The following NANS variants were observed in gnomAD, a reference collection of about 807,000 sequenced individuals.
The protein encoded by NANS is N-acetylneuraminate-9-phosphate synthase.
A neutral mutation model predicts 33.3 loss-of-function variants in NANS; 29 were observed. That is an observed-to-expected ratio of 0.87 (90% CI 0.65 to 1.19). The LOEUF (loss-of-function observed/expected upper bound fraction) is 1.19. Among genes scored for constraint, NANS ranks in the 50% most tolerant of loss-of-function variants. NANS has a pLI of 0.00. For synonymous variants in NANS, 163 were observed against 177.2 expected (o/e 0.92, Z 0.64); for missense variants, 394 against 461.1 (o/e 0.85, Z 1.33).
intron 1 of NANS, 110 bp from the exon 2 acceptor site, chr9:98,060,672 A>C: frequency 9.8e-7 from 1 of 1,018,098 alleles, no homozygotes; most frequent in Non-Finnish European, 1.5e-6. Flanking sequence ...CTCTGTCTCT[A>C]AATAAATAAA....
chr9:98,082,858 G>T lies in NANS; in HGVS notation c.883G>T (p.Val295Leu). The T allele has an allele frequency of 6.2e-7, 1 of 1,614,156 alleles. No individual in the cohort carries two copies. Among genetic ancestry groups the T allele is most frequent in the Non-Finnish European group, 8.5e-7 (1 of 1,180,008 alleles). The change falls in exon 6 of 6, where the codon GTG becomes TTG. Residue 295 changes from valine (V) to leucine (L), a missense_variant. Coordinates refer to ENST00000210444, the MANE Select transcript of NANS (RefSeq NM_018946.4). ...ATTTTGTCCACAGCTGGGCAAGTCT[G>T]TGGTGGCCAAAGTGAAAATTCCGGA... ...MACNEKLGKSVVAKVKIPEGT... is the reference protein window; with the variant it reads ...MACNEKLGKSLVAKVKIPEGT...
intron 4 of NANS, among the ~76,000 whole-genome samples, chr9:98,079,663 C>T (rs562611498): frequency 3.3e-5 from 5 of 152,270 alleles, no homozygotes; most frequent in African/African-American, 7.2e-5. Context: ...ACAGAGATTC[C>T]GATAATTAAC....
At position 98,082,931 on chromosome 9, in the gene NANS, C is replaced by T; in HGVS notation, c.956C>T (p.Pro319Leu). 6.2e-7 allele frequency: 1 copy of T among 1,613,972 alleles called. No individual in the cohort carries two copies. Among genetic ancestry groups the T allele is most frequent in the Non-Finnish European group, 8.5e-7 (1 of 1,180,008 alleles). Reference sequence around the variant, plus strand: ...ATGCTCACCGTGAAGGTGGGTGAGCCCAAAGGCTATCCTCCTGAAGACATC... The same window carrying T: ...ATGCTCACCGTGAAGGTGGGTGAGCTCAAAGGCTATCCTCCTGAAGACATC... ...MDMLTVKVGE[P>L]KGYPPEDIFN... The change falls in exon 6 of 6, where the codon CCC becomes CTC. Residue 319 changes from proline to leucine, a missense_variant. By Grantham distance (98) the Pro-to-Leu change is moderately conservative (BLOSUM62 -3). Transcript: ENST00000210444.
intron 2 of NANS, among the ~76,000 whole-genome samples, chr9:98,073,534 C>T (rs1378281958): frequency 1.3e-5 from 2 of 151,074 alleles, no homozygotes; most frequent in African/African-American, 2.4e-5. Flanking sequence ...CTGCCCGCCA[C>T]GGCCTCCCAA....
chr9:98,057,018 C>A, intron 1 of NANS, 78 bp downstream of exon 1: 12 of 1,442,602 alleles, frequency 8.3e-6, no homozygotes, highest in South Asian at 7.1e-5. Context: ...CAGGGCCACA[C>A]GGCCTCCGCG....
chr9:98,064,124 G>A (rs1407294422), intron 2 of NANS, among the ~76,000 whole-genome samples: 1 of 152,184 alleles, frequency 6.6e-6, no homozygotes, highest in Non-Finnish European at 1.5e-5. Context: ...GAGGAAGGTG[G>A]AGAACCTAGG....
intron 2 of NANS, chr9:98,069,829 T>C (rs147579899): frequency 6.6e-6 from 1 of 152,298 alleles, no homozygotes; most frequent in Non-Finnish European, 1.5e-5. Flanking sequence ...ATGGTGACCG[T>C]GGCAGTGCTC....
At chr9:98,069,721 G>A (rs949959926) in intron 2 of NANS, 1 of 152,304 alleles carries the variant, frequency 6.6e-6, no homozygotes, top group African/African-American at 2.4e-5. Flanking sequence ...GTGGAGAACA[G>A]ATGAGTAGTT....
chr9:98,059,733 T>A (rs1828923371), intron 1 of NANS, among the ~76,000 whole-genome samples: 1 of 152,018 alleles, frequency 6.6e-6, no homozygotes, highest in South Asian at 2.1e-4. Context: ...GTTTTTTGTT[T>A]TTTTTTTTTT....
At chr9:98,075,525 C>G (rs918280661) in intron 2 of NANS, 1 of 149,920 alleles carries the variant, frequency 6.7e-6, no homozygotes, top group Non-Finnish European at 1.5e-5. Context: ...GTTGGTCCGT[C>G]GGTCCGTCGG....
chr9:98,062,568 G>A (rs1030584601), intron 2 of NANS, among the ~76,000 whole-genome samples: 2 of 152,098 alleles, frequency 1.3e-5, no homozygotes, highest in African/African-American at 4.8e-5. Flanking sequence ...ATTTCCTCCT[G>A]AAGTCTTTTT....
rs149077735 is a variant in NANS, at chr9:98,060,839, C to T, written c.190C>T (p.Arg64Trp). Residue 64 changes from arginine (R) to tryptophan (W), a missense_variant, in exon 2 of 6, where the codon CGG (arginine) becomes TGG (tryptophan). Coordinates refer to ENST00000210444, the MANE Select transcript of NANS (RefSeq NM_018946.4). ...GAGTGAGCTAGAATTCAAGTTTAAT[C>T]GGAAAGCCTTGGAGAGGCCATACAC... ...QKSELEFKFN[R>W]KALERPYTSK... 16 of 1,614,136 alleles carry T rather than the reference C, an allele frequency of 9.9e-6. No homozygotes were observed. In the East Asian group the frequency reaches 1.1e-4, roughly 11 times the overall value.
chr9:98,075,546 A>G (rs538300767), intron 2 of NANS: 1 of 152,238 alleles, frequency 6.6e-6, no homozygotes, highest in South Asian at 2.1e-4. Flanking sequence ...TCCTAGACCA[A>G]TCAGAGTTTG....
chr9:98,056,991 G>T lies in NANS; in HGVS notation c.132+51G>T, dbSNP rs780848926. The T allele has an allele frequency of 3.8e-5, 57 of 1,501,662 alleles. No individual in the cohort carries two copies. The South Asian group carries it at 7.4e-4, about 20-fold the overall frequency. 93.0% of individuals were successfully genotyped at this position (1,501,662 alleles called of 1,614,324 possible). A position where few individuals can be genotyped will look rare whatever the true frequency, so the allele number is the denominator to read the frequency against. On this transcript the variant is annotated intron_variant, in intron 1 of 5. Coordinates refer to ENST00000210444, the MANE Select transcript of NANS (RefSeq NM_018946.4). ...GGATTCGGGCGCCGGGAGGGGCGGG[G>T]CGGGGCCGCGGGGAGCCAGGGCCAC... is the stretch of plus-strand genomic sequence containing the variant.
At chr9:98,077,545 A>G (rs990073975) in intron 3 of NANS, among the ~76,000 whole-genome samples, 1 of 152,090 alleles carries the variant, frequency 6.6e-6, no homozygotes, top group Non-Finnish European at 1.5e-5. Flanking sequence ...TAAGAAATTA[A>G]GGATATGACA....
chr9:98,078,917 A>G (rs1035951401), intron 4 of NANS, among the ~76,000 whole-genome samples: 7 of 151,720 alleles, frequency 4.6e-5, no homozygotes, highest in East Asian at 1.9e-4. Flanking sequence ...TGATGCTGCT[A>G]TGAACACTAG....
In NANS at chr9:98,080,965, G is replaced by A. The variant is rs761794233; in HGVS notation, c.753G>A (p.Ser251=). 6 of 1,614,142 alleles carry A rather than the reference G, an allele frequency of 3.7e-6. No homozygotes were observed. The highest frequency in any genetic ancestry group is 3.3e-5 in the South Asian group (3 of 91,080). The change falls in exon 5 of 6, where the codon TCG becomes TCA. Residue 251 remains serine (S), a synonymous_variant. Transcript: ENST00000210444. ...AGACCTGGAAGGGGAGTGACCACTCGGCCTCGCTGGAGCCTGGAGAACTGG... is the reference window on the plus strand; with the variant it reads ...AGACCTGGAAGGGGAGTGACCACTCAGCCTCGCTGGAGCCTGGAGAACTGG... The part of the protein sequence containing the change: ...LDKTWKGSDH[S]ASLEPGELAE...
chr9:98,080,567 C>A (rs1829807551), intron 4 of NANS, among the ~76,000 whole-genome samples: 1 of 152,198 alleles, frequency 6.6e-6, no homozygotes, highest in African/African-American at 2.4e-5. Context: ...AAAATGCATT[C>A]TTTAGAATAA....
At chr9:98,082,715 AG>A (rs1322370200) in intron 5 of NANS, 130 bp from the exon 6 acceptor site, 5 of 724,198 alleles carry the variant, frequency 6.9e-6, no homozygotes, top group Admixed American at 4.9e-5. Flanking sequence ...TGAGCAGTGT[AG>A]GGGGCAACAG....
Sources: allele counts gnomAD v4.1 joint callset (sites outside exome capture counted in the v4.1 genomes callset), GRCh38; gene constraint gnomAD v4.1.1; transcripts MANE v1.5; gene names NCBI Gene and HGNC (gene_info 2026-07-23, HGNC 2026-07-21).